Variants in DCC observed in about 807,000 individuals in gnomAD.
DCC encodes the protein DCC netrin 1 receptor.
DCC carries 58 observed loss-of-function variants against 172.5 expected under a neutral mutation model. The observed-to-expected ratio is 0.34, with a 90% CI of 0.27 to 0.42. DCC has a LOEUF of 0.42. Among genes scored for constraint, DCC ranks in the 10% least tolerant of loss-of-function variants. The pLI is 1.00. For missense variants in DCC, 1,740 were observed against 1,791.0 expected (o/e 0.97, Z 0.51); for synonymous variants, 709 against 644.5 (o/e 1.10, Z -1.52).
At chr18:52,895,133 C>T (rs2039709254) in intron 2 of DCC, among the ~76,000 whole-genome samples, 1 of 152,120 alleles carries the variant, frequency 6.6e-6, no homozygotes, top group South Asian at 2.1e-4. Context: ...AAGATCATAC[C>T]AACTTAAAGA....
At position 53,534,879 on chromosome 18, in the gene DCC, C is replaced by G. The variant is rs899531227; in HGVS notation, c.*4226C>G. 2.6e-5 allele frequency: 4 copies of G among 152,324 alleles called. No individual in the cohort carries two copies. Among genetic ancestry groups the G allele is most frequent in the Non-Finnish European group, 5.9e-5 (4 of 68,036 alleles). 9.4% of individuals were successfully genotyped at this position (152,324 alleles called of 1,614,324 possible). On this transcript the variant is annotated 3_prime_UTR_variant, in exon 29 of 29. Coordinates refer to ENST00000442544, the MANE Select transcript of DCC (RefSeq NM_005215.4). ...TGCATAACGTTCACGTGGCAGACTT[C>G]CAGTTGCACTCTCTGAAGGACTTTT...
In DCC at chr18:52,861,011, CAAAAAAA is replaced by C. The variant is rs74178687; in HGVS notation, c.413-45019_413-45013del. Among the ~76,000 whole-genome samples the C allele has an allele frequency of 4.0e-3, 482 of 120,954 alleles. 6 individuals carry two copies. The highest frequency in any genetic ancestry group is 0.013 in the African/African-American group (434 of 32,412). 79.4% of individuals were successfully genotyped at this position (120,954 alleles called of 152,430 possible). On this transcript the variant is annotated intron_variant, in intron 2 of 28. Transcript: ENST00000442544. Reference sequence around the variant, plus strand: ...ACAAAGCGAGAATCTGAATCCATTTCAAAAAAAAAAAAAAAAAAAATTTTGGCTTCAC... The same window carrying C: ...ACAAAGCGAGAATCTGAATCCATTTCAAAAAAAAAAAAATTTTGGCTTCAC...
At chr18:53,526,960 A>T in intron 28 of DCC, 2 of 594,188 alleles carry the variant, frequency 3.4e-6, no homozygotes, top group East Asian at 2.9e-5. Flanking sequence ...TATGTCAGAG[A>T]CTTAGTTATG....
rs991062867 is a variant in DCC, at chr18:52,994,346, G to A, written c.986-68959G>A. Among the ~76,000 whole-genome samples the A allele has an allele frequency of 3.9e-5, 6 of 152,116 alleles. No individual in the cohort carries two copies. In the South Asian group the frequency reaches 8.3e-4, roughly 21 times the overall value. Reference sequence around the variant, plus strand: ...AAAGTTGGGGGTTGGGGGAGGCAGGGGGTAAAGTGGCAATTTGTATTCCAA... The same window carrying A: ...AAAGTTGGGGGTTGGGGGAGGCAGGAGGTAAAGTGGCAATTTGTATTCCAA... On this transcript the variant is annotated intron_variant, in intron 5 of 28. Transcript: ENST00000442544.
intron 12 of DCC, among the ~76,000 whole-genome samples, chr18:53,272,828 G>T (rs1432726977): frequency 1.3e-5 from 2 of 152,068 alleles, no homozygotes; most frequent in African/African-American, 2.4e-5. Flanking sequence ...GTTATCCTTT[G>T]ATTGTTTCGG....
chr18:52,647,726 G>T (rs2144916499), intron 1 of DCC, among the ~76,000 whole-genome samples: 1 of 152,278 alleles, frequency 6.6e-6, no homozygotes, highest in South Asian at 2.1e-4. Context: ...AGGGGGAAAG[G>T]TACTTCTTGA....
chr18:52,963,555 A>G (rs116795712), intron 5 of DCC, among the ~76,000 whole-genome samples: 1,858 of 152,240 alleles, frequency 0.012, 39 homozygotes, highest in African/African-American at 0.042. Flanking sequence ...CACACTGAGC[A>G]TGTGTCCTGG....
chr18:53,509,413 G>C (rs780227436), intron 27 of DCC, among the ~76,000 whole-genome samples: 2 of 152,222 alleles, frequency 1.3e-5, no homozygotes, highest in African/African-American at 2.4e-5. Context: ...AGTTTTGTGT[G>C]CCTGGGAATC....
intron 1 of DCC, among the ~76,000 whole-genome samples, chr18:52,661,891 T>C (rs1338791110): frequency 6.6e-6 from 1 of 152,174 alleles, no homozygotes; most frequent in Non-Finnish European, 1.5e-5. Flanking sequence ...AACAGGTAGC[T>C]ATAAAATAAG....
chr18:52,538,026 A>G (rs1027131355), intron 1 of DCC, among the ~76,000 whole-genome samples: 18 of 152,162 alleles, frequency 1.2e-4, no homozygotes, highest in African/African-American at 4.3e-4. Flanking sequence ...CCTGGATTCC[A>G]CCTGTGCATG....
At chr18:52,781,937 G>A (rs73455808) in intron 2 of DCC, among the ~76,000 whole-genome samples, 3,333 of 152,154 alleles carry the variant, frequency 0.022, 121 homozygotes, top group African/African-American at 0.075. Flanking sequence ...CAGTTGAAGA[G>A]AATGACTTTC....
intron 13 of DCC, among the ~76,000 whole-genome samples, chr18:53,318,596 C>T (rs916988942): frequency 6.6e-6 from 1 of 152,062 alleles, no homozygotes; most frequent in Non-Finnish European, 1.5e-5. Context: ...AAGTCTCTCA[C>T]TATTATTGAG....
intron 7 of DCC, among the ~76,000 whole-genome samples, chr18:53,130,722 C>T (rs1227689511): frequency 6.6e-6 from 1 of 152,084 alleles, no homozygotes; most frequent in East Asian, 1.9e-4. Context: ...CCTTTGCTTC[C>T]CAACCATGTC....
intron 12 of DCC, among the ~76,000 whole-genome samples, chr18:53,258,177 G>T (rs183544273): frequency 4.6e-5 from 7 of 152,154 alleles, no homozygotes; most frequent in Admixed American, 4.6e-4. Flanking sequence ...TGGAATCATT[G>T]ATTTTTTGAA....
chr18:53,037,733 G>A (rs988277562), intron 5 of DCC, among the ~76,000 whole-genome samples: 13 of 151,928 alleles, frequency 8.6e-5, no homozygotes, highest in African/African-American at 1.7e-4. Flanking sequence ...GGTGGACTTG[G>A]CCTCATTCTC....
intron 1 of DCC, among the ~76,000 whole-genome samples, chr18:52,726,887 A>G (rs1165999407): frequency 1.3e-5 from 2 of 152,238 alleles, no homozygotes; most frequent in Non-Finnish European, 2.9e-5. Flanking sequence ...AAATGACTCA[A>G]TAGAAACTGC....
intron 7 of DCC, among the ~76,000 whole-genome samples, chr18:53,149,199 C>G (rs1249464182): frequency 6.6e-6 from 1 of 152,110 alleles, no homozygotes; most frequent in Admixed American, 6.6e-5. Flanking sequence ...CATCTCCAGA[C>G]AGCCATTAAG....
At chr18:53,225,646 C>G (rs995639386) in intron 12 of DCC, among the ~76,000 whole-genome samples, 10 of 152,060 alleles carry the variant, frequency 6.6e-5, no homozygotes, top group African/African-American at 2.4e-4. Flanking sequence ...GATTTCAAAA[C>G]AGGGAAAAAG....
At chr18:53,181,069 A>T (rs553665855) in intron 9 of DCC, among the ~76,000 whole-genome samples, 1 of 152,340 alleles carries the variant, frequency 6.6e-6, no homozygotes, top group East Asian at 1.9e-4. Context: ...ATCTCATGTG[A>T]TAGATAGGTC....
Sources: gnomAD v4.1 joint callset for allele counts (sites outside exome capture counted in the v4.1 genomes callset) on GRCh38, gnomAD v4.1.1 for gene constraint, MANE v1.5 for transcripts, NCBI Gene and HGNC (gene_info 2026-07-23, HGNC 2026-07-21) for gene names.